GRIN2D: variants seen among roughly 807,000 people sequenced by gnomAD.
GRIN2D encodes glutamate receptor ionotropic, NMDA 2D.
GRIN2D carries 37 observed loss-of-function variants against 103.2 expected under a neutral mutation model. That is an observed-to-expected ratio of 0.36 (90% CI 0.28 to 0.47). The LOEUF (loss-of-function observed/expected upper bound fraction) is 0.47. Ranked by LOEUF, GRIN2D falls within the 20% of genes least tolerant of loss-of-function variation. The pLI is 1.00. For synonymous variants in GRIN2D, 845 were observed against 885.6 expected (o/e 0.95, Z 0.81); for missense variants, 1,557 against 1,910.6 (o/e 0.81, Z 3.45).
At chr19:48,422,604 C>T (rs1434849176) in intron 11 of GRIN2D, among the ~76,000 whole-genome samples, 1 of 144,258 alleles carries the variant, frequency 6.9e-6, no homozygotes, top group Non-Finnish European at 1.5e-5. Flanking sequence ...AGCGAGACTC[C>T]GTCTCAAAAA....
At chr19:48,422,039 C>A in intron 11 of GRIN2D, 94 bp downstream of exon 11, 1 of 1,309,670 alleles carries the variant, frequency 7.6e-7, no homozygotes, top group Non-Finnish European at 1.1e-6. Flanking sequence ...TTCATTCAGT[C>A]CCAGAGGTCA....
chr19:48,433,657 G>A (rs984038355), intron 11 of GRIN2D, among the ~76,000 whole-genome samples: 23 of 152,184 alleles, frequency 1.5e-4, no homozygotes, highest in Admixed American at 1.2e-3. Flanking sequence ...CTTTCCATGA[G>A]AGATGTGCAA....
rs1280111157 is a variant in GRIN2D at position 48,443,565 on chromosome 19, C to G, written c.3639C>G (p.Pro1213=). ...DGGWWAPPPP[P]WAAGPLPRRR... is the part of the protein sequence containing the mutation. ...GCTGGTGGGCGCCACCGCCTCCACC[C>G]TGGGCCGCCGGGCCCCTGCCCCGAC... is the stretch of plus-strand genomic sequence containing the variant. Residue 1213 remains proline, a synonymous_variant, in exon 14 of 14, where the codon CCC becomes CCG. Coordinates refer to ENST00000263269, the MANE Select transcript of GRIN2D (RefSeq NM_000836.4). The surrounding 1 kb of genome is among the most constrained non-coding windows in gnomAD (Gnocchi z 8.9). 2 of 1,234,932 alleles carry G rather than the reference C, an allele frequency of 1.6e-6. No individual in the cohort carries two copies. Among genetic ancestry groups the G allele is most frequent in the African/African-American group, 1.6e-5 (1 of 62,792 alleles). The allele number at this position is 1,234,932 out of a possible 1,614,324, so 76.5% of individuals were successfully genotyped here.
intron 3 of GRIN2D, 94 bp downstream of exon 3, chr19:48,398,951 G>A (rs1222123181): frequency 1.8e-6 from 2 of 1,083,028 alleles, no homozygotes; most frequent in South Asian, 5.1e-5. Context: ...GGGGCCTAGA[G>A]GGGGCGGGGA....
rs1168169606 is a variant in GRIN2D at position 48,405,068 on chromosome 19, G to A, written c.800G>A (p.Gly267Glu). ...GCAGCTGAGGAGGCTGGCCTCACTG[G>A]ATCTGGCTACGTCTGGTTCATGGTG... is the stretch of plus-strand genomic sequence containing the variant. ...FRAAEEAGLTGSGYVWFMVGP... is the reference protein window; with the variant it reads ...FRAAEEAGLTESGYVWFMVGP... Residue 267 changes from glycine to glutamate, a missense_variant, in exon 4 of 14, where the codon GGA becomes GAA. Transcript: ENST00000263269. This position sits in a 1 kb window ranked among gnomAD's most constrained non-coding sequence, Gnocchi z 5.1. The A allele has an allele frequency of 6.2e-7, 1 of 1,605,490 alleles. No homozygotes were observed. Among genetic ancestry groups the A allele is most frequent in the South Asian group, 1.1e-5 (1 of 90,010 alleles).
At position 48,416,745 on chromosome 19, in the gene GRIN2D, C is replaced by CT. The variant is rs56292890; in HGVS notation, c.1735+603dup. On this transcript the variant is annotated intron_variant, in intron 8 of 13. Transcript: ENST00000263269. The stretch of plus-strand genomic sequence containing the variant: ...AGCTTCTACTTCTCTCTCTCTCTCT[C>CT]TTTTTTTTTTTTTCAGACAGAGTCT... 3.5e-3 allele frequency among the ~76,000 whole-genome samples: 499 copies of CT among 141,118 alleles called. 12 individuals carry two copies. The highest frequency in any genetic ancestry group is 0.012 in the East Asian group (55 of 4,760). The allele number at this position is 141,118 out of a possible 152,430, so 92.6% of individuals were successfully genotyped here. A position where few individuals can be genotyped will look rare whatever the true frequency, so the allele number is the denominator to read the frequency against.
rs1024513144 is a variant in GRIN2D, at chr19:48,408,684, G to A, written c.1085+3331G>A. On this transcript the variant is annotated intron_variant, in intron 4 of 13. Transcript: ENST00000263269. ...AAACTACAAAACTTAGCCGGGCGTG[G>A]TGACAGGCACCTGTAATCCTAGCTG... Among the ~76,000 whole-genome samples the A allele has an allele frequency of 8.6e-5, 13 of 151,850 alleles. No homozygotes were observed. In the East Asian group the frequency reaches 2.5e-3, roughly 30 times the overall value.
At chr19:48,438,381 C>G (rs376780882) in intron 11 of GRIN2D, among the ~76,000 whole-genome samples, 34 of 141,874 alleles carry the variant, frequency 2.4e-4, no homozygotes, top group African/African-American at 7.8e-4. Flanking sequence ...TCACTGCAAC[C>G]TCTGCCTCCC....
Position 48,414,605 on chromosome 19 carries a change from A to G in GRIN2D, c.1412+21A>G. Reference sequence around the variant, plus strand: ...CACAGGTGACAGCTCGGGATCCAGGAGTTCCGGCTCCAAAACCCGCCTCCC... The same window carrying G: ...CACAGGTGACAGCTCGGGATCCAGGGGTTCCGGCTCCAAAACCCGCCTCCC... On this transcript the variant is annotated intron_variant, in intron 6 of 13. Coordinates refer to ENST00000263269, the MANE Select transcript of GRIN2D (RefSeq NM_000836.4). This position sits in a 1 kb window ranked among gnomAD's most constrained non-coding sequence, Gnocchi z 4.6. 6.5e-7 allele frequency: 1 copy of G among 1,546,600 alleles called. No homozygotes were observed. Among genetic ancestry groups the G allele is most frequent in the Non-Finnish European group, 8.7e-7 (1 of 1,144,236 alleles).
rs1970601926 is a variant in GRIN2D, at chr19:48,394,182, T to G, written c.-306+314T>G. On this transcript the variant is annotated intron_variant, in intron 1 of 13. Coordinates refer to ENST00000263269, the MANE Select transcript of GRIN2D (RefSeq NM_000836.4). This position sits in a 1 kb window ranked among gnomAD's most constrained non-coding sequence, Gnocchi z 5.1. ...CTGGCCCCCATTAGACCCCCCACTCTGTGTGTGTGTGTCTGTGTGTGTGTC... is the reference window on the plus strand; with the variant it reads ...CTGGCCCCCATTAGACCCCCCACTCGGTGTGTGTGTGTCTGTGTGTGTGTC... 6.6e-6 allele frequency among the ~76,000 whole-genome samples: 1 copy of G among 151,298 alleles called. No homozygotes were observed. The highest frequency in any genetic ancestry group is 2.1e-4 in the South Asian group (1 of 4,764).
chr19:48,415,380 A>C (rs1176312460), intron 7 of GRIN2D, among the ~76,000 whole-genome samples: 1 of 151,298 alleles, frequency 6.6e-6, no homozygotes, highest in Non-Finnish European at 1.5e-5. Context: ...AAAAAATAAT[A>C]ATAAAAAAAA....
rs368293215 is a variant in GRIN2D, at chr19:48,433,289, C to T, written c.2253-8480C>T. On this transcript the variant is annotated intron_variant, in intron 11 of 13. Transcript: ENST00000263269. ...AGGCTGAGGCAGAATCGCTTGAACC[C>T]GGGAGGTGGAGGTTGCAGTGAGCTG... Among the ~76,000 whole-genome samples the T allele has an allele frequency of 2.8e-4, 43 of 151,814 alleles. No individual in the cohort carries two copies. In the South Asian group the frequency reaches 7.9e-3, roughly 28 times the overall value.
At chr19:48,426,198 CTTTCTT>C (rs1474267145) in intron 11 of GRIN2D, among the ~76,000 whole-genome samples, 4 of 139,674 alleles carry the variant, frequency 2.9e-5, no homozygotes, top group Non-Finnish European at 6.1e-5. Flanking sequence ...CTTTTCTCTT[CTTTCTT>C]TTTCTTTCTT....
chr19:48,412,481 GA>G, intron 4 of GRIN2D, among the ~76,000 whole-genome samples: 1 of 146,836 alleles, frequency 6.8e-6, no homozygotes, highest in South Asian at 2.2e-4. Context: ...AAGAAAGAAA[GA>G]GAGAGAAAGA....
chr19:48,425,541 G>A lies in GRIN2D; in HGVS notation c.2252+3596G>A, dbSNP rs573885734. On this transcript the variant is annotated intron_variant, in intron 11 of 13. Coordinates refer to ENST00000263269, the MANE Select transcript of GRIN2D (RefSeq NM_000836.4). Reference sequence around the variant, plus strand: ...ACAGGCGTGAGCCACCGTATCCAGCGGATGGCACTTTCCAAATCTACTTGG... The same window carrying A: ...ACAGGCGTGAGCCACCGTATCCAGCAGATGGCACTTTCCAAATCTACTTGG... 6.6e-5 allele frequency among the ~76,000 whole-genome samples: 10 copies of A among 152,140 alleles called. No individual in the cohort carries two copies. In the East Asian group the frequency reaches 7.7e-4, roughly 12 times the overall value.
chr19:48,413,920 A>G (rs1007452999), intron 4 of GRIN2D, 71 bp from the exon 5 acceptor site: 4 of 849,748 alleles, frequency 4.7e-6, no homozygotes, highest in East Asian at 2.4e-5. Flanking sequence ...CAGAAAGGGG[A>G]CTTTCTCTGC....
chr19:48,427,510 C>G (rs1344166181), intron 11 of GRIN2D, among the ~76,000 whole-genome samples: 1 of 113,032 alleles, frequency 8.8e-6, no homozygotes. Flanking sequence ...GACAGAGTCT[C>G]ACTCTGTTGT....
intron 4 of GRIN2D, among the ~76,000 whole-genome samples, chr19:48,412,425 G>T (rs867482936): frequency 2.1e-5 from 1 of 48,150 alleles, no homozygotes; most frequent in African/African-American, 1.1e-4. Context: ...AGAAAGAAAA[G>T]AAAGAAAGAA....
chr19:48,435,740 C>A lies in GRIN2D; in HGVS notation c.2253-6029C>A, dbSNP rs539178168. On this transcript the variant is annotated intron_variant, in intron 11 of 13. Coordinates refer to ENST00000263269, the MANE Select transcript of GRIN2D (RefSeq NM_000836.4). Reference sequence around the variant, plus strand: ...GGGGTTAGAAGCATGAGCCACCACACCCAGCCGTCCAGCCATTTCTTAGTA... The same window carrying A: ...GGGGTTAGAAGCATGAGCCACCACAACCAGCCGTCCAGCCATTTCTTAGTA... Among the ~76,000 whole-genome samples the A allele has an allele frequency of 5.9e-5, 9 of 152,344 alleles. No individual in the cohort carries two copies. In the South Asian group the frequency reaches 1.9e-3, roughly 32 times the overall value.
Sources: gnomAD v4.1 joint callset for allele counts (sites outside exome capture counted in the v4.1 genomes callset) on GRCh38, gnomAD v4.1.1 for gene constraint, Gnocchi (gnomAD v3.1) non-coding constraint, MANE v1.5 for transcripts, NCBI Gene and HGNC (gene_info 2026-07-23, HGNC 2026-07-21) for gene names.